PHRF1: variants seen among roughly 807,000 people sequenced by gnomAD.
The protein encoded by PHRF1 is PHD and ring finger domains 1.
Under a neutral mutation model 128.9 loss-of-function variants are expected in PHRF1, and 53 were observed. That is an observed-to-expected ratio of 0.41 (90% confidence interval 0.33 to 0.52). The LOEUF (loss-of-function observed/expected upper bound fraction) is 0.52, where lower values mean the gene tolerates loss of function less well. Among genes scored for constraint, PHRF1 ranks in the 20% least tolerant of loss-of-function variants. PHRF1 has a pLI of 0.21. For missense variants in PHRF1, 2,503 were observed against 2,284.5 expected (o/e 1.10, Z -1.95); for synonymous variants, 1,178 against 980.6 (o/e 1.20, Z -3.76).
chr11:596,811 G>A (rs764016608), intron 6 of PHRF1, 112 bp from the exon 7 acceptor site: 1 of 829,166 alleles, frequency 1.2e-6, no homozygotes, highest in Admixed American at 2.1e-5. Context: ...ATAACAGAAT[G>A]CATCGCAGAC....
At position 591,426 on chromosome 11, in the gene PHRF1, A is replaced by G. The variant is rs915087517; in HGVS notation, c.463A>G (p.Ile155Val). ...AGTTGATCGAACTCTATTTAAGTGCATTTGTATTCGAGCTCAATTTGGTGG... is the reference window on the plus strand; with the variant it reads ...AGTTGATCGAACTCTATTTAAGTGCGTTTGTATTCGAGCTCAATTTGGTGG... ...CPVDRTLFKC[I>V]CIRAQFGGKI... Residue 155 changes from isoleucine (I) to valine (V), a missense_variant, in exon 5 of 18, where the codon ATT (isoleucine) becomes GTT (valine). Coordinates refer to ENST00000264555, the MANE Select transcript of PHRF1 (RefSeq NM_001286581.2). 5.6e-6 allele frequency: 9 copies of G among 1,609,708 alleles called. No homozygotes were observed. Among genetic ancestry groups the G allele is most frequent in the Admixed American group, 5.1e-5 (3 of 59,370 alleles).
At chr11:611,115 G>C in intron 17 of PHRF1, 33 bp downstream of exon 17, 1 of 1,610,592 alleles carries the variant, frequency 6.2e-7, no homozygotes, top group Non-Finnish European at 8.5e-7. Context: ...TGTGGGGCTC[G>C]GGGTCACGGG....
chr11:612,064 C>T lies in PHRF1; in HGVS notation c.*287C>T, dbSNP rs577365314. ...AAAAATGGATTATCTTTAGAAACCT[C>T]TTGATTGACTTACTACTTGGAAGAT... On this transcript the variant is annotated 3_prime_UTR_variant, in exon 18 of 18. Coordinates refer to ENST00000264555, the MANE Select transcript of PHRF1 (RefSeq NM_001286581.2). 1 of 463,642 alleles carries T rather than the reference C, an allele frequency of 2.2e-6. No homozygotes were observed. Among genetic ancestry groups the T allele is most frequent in the Non-Finnish European group, 3.8e-6 (1 of 263,374 alleles). The allele number at this position is 463,642 out of a possible 1,614,324, so 28.7% of individuals were successfully genotyped here. A position where few individuals can be genotyped will look rare whatever the true frequency, so the allele number is the denominator to read the frequency against.
At chr11:599,171 T>C (rs1182318278) in intron 9 of PHRF1, among the ~76,000 whole-genome samples, 2 of 152,232 alleles carry the variant, frequency 1.3e-5, no homozygotes, top group Non-Finnish European at 2.9e-5. Flanking sequence ...GACTCCTGCT[T>C]TACTCAGTGC....
chr11:611,152 A>C, intron 17 of PHRF1, 70 bp downstream of exon 17: 1 of 1,590,584 alleles, frequency 6.3e-7, no homozygotes, highest in Non-Finnish European at 8.5e-7. Flanking sequence ...TCTCGTCAGC[A>C]TGGACTTTGG....
At chr11:595,368 C>G (rs1855220939) in intron 6 of PHRF1, among the ~76,000 whole-genome samples, 1 of 152,218 alleles carries the variant, frequency 6.6e-6, no homozygotes, top group African/African-American at 2.4e-5. Flanking sequence ...GATACAGTTT[C>G]TGATTTTTTT....
In PHRF1 at chr11:611,905, A is replaced by G. The variant is rs1856430648; in HGVS notation, c.*128A>G. 1.4e-6 allele frequency: 2 copies of G among 1,424,602 alleles called. No homozygotes were observed. Among genetic ancestry groups the G allele is most frequent in the Admixed American group, 4.8e-5 (2 of 41,922 alleles). The allele number at this position is 1,424,602 out of a possible 1,614,324, so 88.2% of individuals were successfully genotyped here. A position where few individuals can be genotyped will look rare whatever the true frequency, so the allele number is the denominator to read the frequency against. On this transcript the variant is annotated 3_prime_UTR_variant, in exon 18 of 18. Coordinates refer to ENST00000264555, the MANE Select transcript of PHRF1 (RefSeq NM_001286581.2). ...CGGGGAGCTGTCGGGAGTGGCGGGAAATGGGGGGCATCACCATGCCTGCCG... is the reference window on the plus strand; with the variant it reads ...CGGGGAGCTGTCGGGAGTGGCGGGAGATGGGGGGCATCACCATGCCTGCCG...
At chr11:601,152 GA>G (rs1855601419) in intron 9 of PHRF1, among the ~76,000 whole-genome samples, 1 of 151,626 alleles carries the variant, frequency 6.6e-6, no homozygotes, top group Admixed American at 6.6e-5. Flanking sequence ...CTCCGTCTCA[GA>G]AAAAAATTTG....
In PHRF1 at chr11:607,477, C is replaced by T. The variant is rs367803474; in HGVS notation, c.2021C>T (p.Thr674Ile). Residue 674 changes from threonine to isoleucine, a missense_variant, in exon 14 of 18, where the codon ACA (threonine) becomes ATA (isoleucine). Thr to Ile is a moderately conservative substitution (Grantham distance 89). Transcript: ENST00000264555. ...GPPLKPAPRR[T>I]DISELPRIPK... The stretch of plus-strand genomic sequence containing the variant: ...CCCCTGAAGCCAGCGCCCAGAAGAA[C>T]AGACATCTCTGAGCTACCCAGGATA... 33 of 1,612,750 alleles carry T rather than the reference C, an allele frequency of 2.0e-5. No homozygotes were observed. In the African/African-American group the frequency reaches 4.1e-4, roughly 20 times the overall value.
At position 596,997 on chromosome 11, in the gene PHRF1, C is replaced by T. The variant is rs763205722; in HGVS notation, c.695C>T (p.Ala232Val). ...VDEWFCPECA[A>V]PGVVLAADAG... ...GAGTGGTTCTGCCCGGAATGTGCTG[C>T]GCCTGGTGTTGTCCTTGCCGCTGGT... Residue 232 changes from alanine (A) to valine (V), a missense_variant, in exon 7 of 18, where the codon GCG becomes GTG. Transcript: ENST00000264555. The T allele has an allele frequency of 1.7e-5, 27 of 1,613,750 alleles. 1 individual carries two copies. The highest frequency in any genetic ancestry group is 1.2e-4 in the Admixed American group (7 of 59,994).
At chr11:580,950 A>C (rs942326700) in intron 1 of PHRF1, among the ~76,000 whole-genome samples, 3 of 152,032 alleles carry the variant, frequency 2.0e-5, no homozygotes, top group African/African-American at 7.3e-5. Flanking sequence ...CGGCCTCTCA[A>C]AGTGCTGGGG....
chr11:596,562 G>A (rs991406923), intron 6 of PHRF1, among the ~76,000 whole-genome samples: 4 of 152,186 alleles, frequency 2.6e-5, no homozygotes, highest in African/African-American at 9.6e-5. Context: ...GCTGGGCAGC[G>A]TAAACCGCAG....
chr11:598,618 ATCT>A (rs1855443821), intron 9 of PHRF1, 116 bp downstream of exon 9: 7 of 1,414,424 alleles, frequency 4.9e-6, no homozygotes, highest in African/African-American at 2.9e-5. Flanking sequence ...CTGCAAGTTA[ATCT>A]TCTCTGCTGA....
chr11:599,672 C>G (rs1281715112), intron 9 of PHRF1, among the ~76,000 whole-genome samples: 1 of 152,166 alleles, frequency 6.6e-6, no homozygotes, highest in Admixed American at 6.5e-5. Context: ...CACTTCAGCC[C>G]CACCAGCAGC....
chr11:599,086 G>C (rs1414370476), intron 9 of PHRF1, among the ~76,000 whole-genome samples: 1 of 152,196 alleles, frequency 6.6e-6, no homozygotes, highest in Non-Finnish European at 1.5e-5. Context: ...CCCCGGCGCT[G>C]GTGCGCGTGC....
intron 3 of PHRF1, among the ~76,000 whole-genome samples, chr11:583,151 T>C (rs950171201): frequency 1.7e-4 from 25 of 150,866 alleles, no homozygotes; most frequent in Non-Finnish European, 3.1e-4. Flanking sequence ...CCATTGTGGC[T>C]AACATGGTGA....
In PHRF1 at chr11:603,729, GTTTTTTTT is replaced by G. The variant is rs71022937; in HGVS notation, c.1153-1375_1153-1368del. Among the ~76,000 whole-genome samples, 374 of 78,244 alleles carry G rather than the reference GTTTTTTTT, an allele frequency of 4.8e-3. 1 individual carries two copies. Among genetic ancestry groups the G allele is most frequent in the Middle Eastern group, 0.044 (4 of 90 alleles). The allele number at this position is 78,244 out of a possible 152,430, so 51.3% of individuals were successfully genotyped here. ...TTTATCTAAAACCATATTTAAGTTT[GTTTTTTTT>G]TTTTTTTTTTTTTTGAGATGGAGTT... is the stretch of plus-strand genomic sequence containing the variant. On this transcript the variant is annotated intron_variant, in intron 10 of 17. Transcript: ENST00000264555.
intron 6 of PHRF1, among the ~76,000 whole-genome samples, chr11:594,952 A>G (rs1191052083): frequency 6.6e-6 from 1 of 152,264 alleles, no homozygotes; most frequent in African/African-American, 2.4e-5. Flanking sequence ...ACTGATCAAT[A>G]TAACGATTCT....
intron 4 of PHRF1, among the ~76,000 whole-genome samples, chr11:590,739 T>C (rs1047468058): frequency 1.6e-4 from 24 of 152,274 alleles, no homozygotes; most frequent in African/African-American, 5.8e-4. Flanking sequence ...GTTTGGCTCT[T>C]GTCACCCAAG....
Sources: allele counts gnomAD v4.1 joint callset (sites outside exome capture counted in the v4.1 genomes callset), GRCh38; gene constraint gnomAD v4.1.1; transcripts MANE v1.5; gene names NCBI Gene and HGNC (gene_info 2026-07-23, HGNC 2026-07-21).